Variants in PLEKHA5 observed in about 807,000 individuals in gnomAD.
PLEKHA5 encodes the protein pleckstrin homology domain containing A5.
A neutral mutation model predicts 181.9 loss-of-function variants in PLEKHA5; 55 were observed. The ratio of observed to expected loss-of-function variants is 0.30; its 90% confidence interval spans 0.24 to 0.38. The LOEUF is 0.38. Ranked by LOEUF, PLEKHA5 falls within the 10% of genes least tolerant of loss-of-function variation. The probability of loss-of-function intolerance (pLI) is 1.00; values close to 1 mark genes in which losing one functional copy is unlikely to be tolerated. For synonymous variants in PLEKHA5, 535 were observed against 529.4 expected (o/e 1.01, Z -0.15); for missense variants, 1,432 against 1,549.5 (o/e 0.92, Z 1.27).
intron 15 of PLEKHA5, among the ~76,000 whole-genome samples, chr12:19,305,043 C>T (rs903026944): frequency 6.6e-5 from 10 of 152,170 alleles, no homozygotes; most frequent in South Asian, 2.1e-4. Flanking sequence ...ACATAGAAAG[C>T]GAGGATATTT....
rs1370895666 is a variant in PLEKHA5, at chr12:19,365,951, C to G, written c.3609-13C>G. 1 of 1,569,924 alleles carries G rather than the reference C, an allele frequency of 6.4e-7. No individual in the cohort carries two copies. The highest frequency in any genetic ancestry group is 8.6e-7 in the Non-Finnish European group (1 of 1,164,968). On this transcript the variant is annotated splice_polypyrimidine_tract_variant and intron_variant, in intron 29 of 31. Coordinates refer to ENST00000429027, the MANE Select transcript of PLEKHA5 (RefSeq NM_001256470.2). Reference sequence around the variant, plus strand: ...TAGTGACAAATTTTTAAATACCAATCTATTTTCATCAGCCCTCAAGATGAA... The same window carrying G: ...TAGTGACAAATTTTTAAATACCAATGTATTTTCATCAGCCCTCAAGATGAA...
chr12:19,354,025 T>TC, intron 26 of PLEKHA5, 23 bp downstream of exon 26: 17 of 1,129,274 alleles, frequency 1.5e-5, no homozygotes, highest in Non-Finnish European at 2.1e-5. Flanking sequence ...AAATTAATCT[T>TC]CTAGGAAGAT....
intron 11 of PLEKHA5, among the ~76,000 whole-genome samples, chr12:19,281,016 T>G (rs954499365): frequency 1.3e-5 from 2 of 152,134 alleles, no homozygotes; most frequent in African/African-American, 4.8e-5. Context: ...CAGCCTAATC[T>G]TACTTTTTCT....
rs114429812 is a variant in PLEKHA5 at position 19,166,292 on chromosome 12, T to C, written c.227+33842T>C. 2.9e-3 allele frequency among the ~76,000 whole-genome samples: 444 copies of C among 152,328 alleles called. 3 individuals are homozygous for C. The highest frequency in any genetic ancestry group is 0.01 in the African/African-American group (436 of 41,578). ...ATTTTATCTGACTTTTTCCATGTAATATTGACGTCATCGAAACATACTGTA... is the reference window on the plus strand; with the variant it reads ...ATTTTATCTGACTTTTTCCATGTAACATTGACGTCATCGAAACATACTGTA... On this transcript the variant is annotated intron_variant, in intron 3 of 31. Transcript: ENST00000429027.
intron 16 of PLEKHA5, among the ~76,000 whole-genome samples, chr12:19,318,649 G>A (rs149764913): frequency 2.2e-4 from 34 of 152,226 alleles, no homozygotes; most frequent in East Asian, 2.1e-3. Context: ...ACGGCTGGGC[G>A]TGGTGGCTCA....
intron 20 of PLEKHA5, among the ~76,000 whole-genome samples, 167 bp from the exon 21 acceptor site, chr12:19,336,347 AT>A (rs2153125459): frequency 6.6e-6 from 1 of 152,332 alleles, no homozygotes; most frequent in East Asian, 1.9e-4. Context: ...TGCTTAGTAA[AT>A]TTTTGTTGAA....
chr12:19,318,028 C>CT (rs909639416), intron 16 of PLEKHA5, among the ~76,000 whole-genome samples: 2 of 123,180 alleles, frequency 1.6e-5, no homozygotes, highest in Non-Finnish European at 1.6e-5. Flanking sequence ...ATTTACTTTT[C>CT]TTTTTTTTCG....
intron 3 of PLEKHA5, among the ~76,000 whole-genome samples, chr12:19,138,118 A>G (rs1459752652): frequency 6.6e-6 from 1 of 152,194 alleles, no homozygotes; most frequent in Non-Finnish European, 1.5e-5. Flanking sequence ...AGGGCCTTAC[A>G]TAGGACCTGT....
intron 11 of PLEKHA5, among the ~76,000 whole-genome samples, chr12:19,278,386 G>T (rs2075176717): frequency 1.3e-5 from 2 of 151,908 alleles, no homozygotes; most frequent in African/African-American, 4.8e-5. Flanking sequence ...CTATAATTTA[G>T]ATATTAGTTT....
chr12:19,225,410 G>A (rs1285626372), intron 3 of PLEKHA5, among the ~76,000 whole-genome samples: 3 of 152,108 alleles, frequency 2.0e-5, no homozygotes, highest in Non-Finnish European at 4.4e-5. Context: ...TTGAAAATTT[G>A]CAAACAAGTA....
At chr12:19,153,663 T>C (rs1203238381) in intron 3 of PLEKHA5, 1 of 152,168 alleles carries the variant, frequency 6.6e-6, no homozygotes, top group East Asian at 1.9e-4. Flanking sequence ...TGTGTGTTCA[T>C]TGAGTTTTGA....
intron 15 of PLEKHA5, chr12:19,306,407 A>T (rs1457720637): frequency 5.5e-6 from 3 of 546,596 alleles, no homozygotes; most frequent in Admixed American, 4.4e-5. Context: ...AGTGGGGTAG[A>T]GAAAAGGTGG....
At chr12:19,223,019 T>C (rs1209790174) in intron 3 of PLEKHA5, among the ~76,000 whole-genome samples, 3 of 114,188 alleles carry the variant, frequency 2.6e-5, no homozygotes, top group Non-Finnish European at 6.1e-5. Context: ...TTTTTTTTTT[T>C]CATTGTTGTG....
chr12:19,251,606 A>C (rs1411875441), intron 3 of PLEKHA5, among the ~76,000 whole-genome samples: 1 of 151,858 alleles, frequency 6.6e-6, no homozygotes. Context: ...TCACAGATAA[A>C]ATCATGCATA....
At chr12:19,207,348 A>G (rs1206143643) in intron 3 of PLEKHA5, 1 of 152,168 alleles carries the variant, frequency 6.6e-6, no homozygotes, top group Admixed American at 6.5e-5. Flanking sequence ...AAAAGTGTGG[A>G]GAAATACTGG....
chr12:19,326,974 C>T (rs1374839322), intron 20 of PLEKHA5, among the ~76,000 whole-genome samples: 1 of 152,170 alleles, frequency 6.6e-6, no homozygotes, highest in Non-Finnish European at 1.5e-5. Context: ...CATTGATGGG[C>T]ATCTAGGTTG....
intron 8 of PLEKHA5, among the ~76,000 whole-genome samples, chr12:19,267,937 G>A (rs1397114837): frequency 6.6e-6 from 1 of 152,070 alleles, no homozygotes; most frequent in Non-Finnish European, 1.5e-5. Context: ...TCCAGCCTGG[G>A]CAACAAGAGC....
chr12:19,203,026 C>T (rs1443933118), intron 3 of PLEKHA5, among the ~76,000 whole-genome samples: 2 of 151,932 alleles, frequency 1.3e-5, no homozygotes, highest in Non-Finnish European at 2.9e-5. Flanking sequence ...AAGGGTAAAT[C>T]AGTAAGTTAA....
intron 21 of PLEKHA5, among the ~76,000 whole-genome samples, chr12:19,343,079 G>A (rs571332282): frequency 2.0e-5 from 3 of 152,140 alleles, no homozygotes; most frequent in African/African-American, 2.4e-5. Flanking sequence ...AAGCTTATTG[G>A]AAAGATTTAA....
Sources: allele counts gnomAD v4.1 joint callset (sites outside exome capture counted in the v4.1 genomes callset), GRCh38; gene constraint gnomAD v4.1.1; transcripts MANE v1.5; gene names NCBI Gene and HGNC (gene_info 2026-07-23, HGNC 2026-07-21).